The following FLT1 variants were observed in gnomAD, a reference collection of about 807,000 sequenced individuals.
The protein encoded by FLT1 is fms related receptor tyrosine kinase 1.
FLT1 carries 49 observed loss-of-function variants against 156.3 expected under a neutral mutation model. The ratio of observed to expected loss-of-function variants is 0.31; its 90% confidence interval spans 0.25 to 0.40. FLT1 has a LOEUF of 0.40. FLT1 is among the 10% of genes least tolerant of loss of function. FLT1 has a pLI of 1.00. For missense variants in FLT1, 1,322 were observed against 1,637.2 expected, an observed-to-expected ratio of 0.81 and a Z score of 3.32; for synonymous variants, 594 against 583.8, an observed-to-expected ratio of 1.02 and a Z score of -0.25.
At chr13:28,318,595 T>G (rs540894874) in intron 24 of FLT1, among the ~76,000 whole-genome samples, 203 of 152,340 alleles carry the variant, frequency 1.3e-3, no homozygotes, top group African/African-American at 4.7e-3. Context: ...GCAGGACCAC[T>G]GCAGCCGCCA....
intron 1 of FLT1, among the ~76,000 whole-genome samples, chr13:28,492,019 A>G (rs1881498674): frequency 1.3e-5 from 2 of 152,212 alleles, no homozygotes; most frequent in Admixed American, 1.3e-4. Flanking sequence ...CTTCAGTTGG[A>G]AAACTGTAGG....
intron 25 of FLT1, among the ~76,000 whole-genome samples, chr13:28,315,163 G>T (rs1871148838): frequency 6.6e-6 from 1 of 152,160 alleles, no homozygotes; most frequent in South Asian, 2.1e-4. Context: ...TACTTTATAG[G>T]ACTGTTATGA....
At chr13:28,368,701 AG>A in intron 14 of FLT1, 2 of 684,014 alleles carry the variant, frequency 2.9e-6, no homozygotes, top group African/African-American at 4.1e-5. Flanking sequence ...TTAGATTGGC[AG>A]CTTTTTTTTT....
intron 14 of FLT1, among the ~76,000 whole-genome samples, chr13:28,358,570 C>T (rs1872991035): frequency 6.6e-6 from 1 of 152,156 alleles, no homozygotes; most frequent in Non-Finnish European, 1.5e-5. Flanking sequence ...GCTTCAATAC[C>T]TTGTACTATC....
At chr13:28,317,716 C>T in intron 24 of FLT1, 119 bp from the exon 25 acceptor site, 2 of 724,864 alleles carry the variant, frequency 2.8e-6, no homozygotes, top group South Asian at 1.5e-5. Flanking sequence ...TAATAAATTC[C>T]CAGGGATTAC....
chr13:28,488,259 G>A (rs1224538239), intron 1 of FLT1, among the ~76,000 whole-genome samples: 2 of 152,148 alleles, frequency 1.3e-5, no homozygotes, highest in Non-Finnish European at 2.9e-5. Flanking sequence ...AATTAGCTGA[G>A]CATGGTGGTA....
intron 14 of FLT1, among the ~76,000 whole-genome samples, chr13:28,369,640 C>T (rs1873463008): frequency 6.6e-6 from 1 of 152,058 alleles, no homozygotes; most frequent in Non-Finnish European, 1.5e-5. Flanking sequence ...AGAATTTCAC[C>T]CTAAGATCAA....
chr13:28,492,350 C>T (rs997432217), intron 1 of FLT1, among the ~76,000 whole-genome samples: 9 of 152,082 alleles, frequency 5.9e-5, no homozygotes, highest in Non-Finnish European at 1.2e-4. Flanking sequence ...GGTTGTGATA[C>T]CTTAAAAGTA....
chr13:28,360,535 G>A (rs1873074296), intron 14 of FLT1, among the ~76,000 whole-genome samples: 1 of 152,216 alleles, frequency 6.6e-6, no homozygotes, highest in South Asian at 2.1e-4. Context: ...TGTCATTTAT[G>A]ACAATATGGA....
chr13:28,475,643 C>A (rs1249495654), intron 1 of FLT1, among the ~76,000 whole-genome samples: 1 of 152,064 alleles, frequency 6.6e-6, no homozygotes, highest in Non-Finnish European at 1.5e-5. Context: ...TGCAAATTTC[C>A]GGACGCTACC....
rs532851006 is a variant in FLT1, at chr13:28,440,634, C to T, written c.389-2289G>A. On this transcript the variant is annotated intron_variant, in intron 3 of 29. Transcript: ENST00000282397. ...GCAGGCTTTGGGGCAGGCTTTGAGT[C>T]GGAGGGAGGTGGTTCAGAGTACGCC... Among the ~76,000 whole-genome samples the T allele has an allele frequency of 2.6e-5, 4 of 152,150 alleles. No individual in the cohort carries two copies. The East Asian group carries it at 5.8e-4, about 22-fold the overall frequency.
intron 6 of FLT1, among the ~76,000 whole-genome samples, chr13:28,432,483 G>A (rs564147168): frequency 5.9e-5 from 9 of 152,316 alleles, no homozygotes; most frequent in African/African-American, 2.2e-4. Context: ...GCCAAGCTGA[G>A]TAACACTGGT....
chr13:28,330,149 CA>C (rs1871866453), intron 18 of FLT1, among the ~76,000 whole-genome samples: 1 of 152,262 alleles, frequency 6.6e-6, no homozygotes, highest in South Asian at 2.1e-4. Context: ...AGAAGGAGCA[CA>C]AGGGGCCTGC....
intron 14 of FLT1, among the ~76,000 whole-genome samples, chr13:28,360,199 A>C (rs916964759): frequency 6.6e-6 from 1 of 152,232 alleles, no homozygotes; most frequent in African/African-American, 2.4e-5. Flanking sequence ...AGTGTTGATG[A>C]GGATGTGGAA....
At chr13:28,475,582 T>C (rs909913656) in intron 1 of FLT1, among the ~76,000 whole-genome samples, 6 of 152,192 alleles carry the variant, frequency 3.9e-5, no homozygotes, top group African/African-American at 1.4e-4. Context: ...CTAAATCTCA[T>C]AGAATCTTTG....
intron 1 of FLT1, among the ~76,000 whole-genome samples, chr13:28,494,538 C>A (rs140833074): frequency 6.6e-6 from 1 of 152,198 alleles, no homozygotes; most frequent in Non-Finnish European, 1.5e-5. Flanking sequence ...AGCGCGGACC[C>A]GGTCTGAGCG....
chr13:28,307,318 C>T (rs1870790870), intron 28 of FLT1, among the ~76,000 whole-genome samples: 2 of 152,166 alleles, frequency 1.3e-5, no homozygotes, highest in African/African-American at 4.8e-5. Context: ...GTTAATACGG[C>T]ATGTTCCACT....
At chr13:28,438,479 C>A in intron 3 of FLT1, 134 bp from the exon 4 acceptor site, 2 of 713,576 alleles carry the variant, frequency 2.8e-6, no homozygotes, top group Non-Finnish European at 4.8e-6. Flanking sequence ...CATACATTCA[C>A]ATCTTTGTCT....
At chr13:28,318,438 C>G (rs890139165) in intron 24 of FLT1, among the ~76,000 whole-genome samples, 1 of 152,094 alleles carries the variant, frequency 6.6e-6, no homozygotes, top group Non-Finnish European at 1.5e-5. Context: ...GGATTCTTGC[C>G]AGGGCTGGGG....
Sources: gnomAD v4.1 joint callset for allele counts (sites outside exome capture counted in the v4.1 genomes callset) on GRCh38, gnomAD v4.1.1 for gene constraint, MANE v1.5 for transcripts, NCBI Gene and HGNC (gene_info 2026-07-23, HGNC 2026-07-21) for gene names.